Variants in IL17RD observed in about 807,000 individuals in gnomAD.
The protein encoded by IL17RD is interleukin-17 receptor D.
A neutral mutation model predicts 80.5 loss-of-function variants in IL17RD; 52 were observed. The ratio of observed to expected loss-of-function variants is 0.65; its 90% CI spans 0.52 to 0.81. The LOEUF (loss-of-function observed/expected upper bound fraction) is 0.81. Among genes scored for constraint, IL17RD ranks in the 40% least tolerant of loss-of-function variants. The pLI is 0.00. For missense variants in IL17RD, 1,024 were observed against 955.1 expected (o/e 1.07, Z -0.95); for synonymous variants, 416 against 391.8 (o/e 1.06, Z -0.73).
rs1250749773 is a variant in IL17RD at position 57,097,767 on chromosome 3, G to A, written c.1936C>T (p.Leu646=). ...ALDGSAALQP[L]LHTVKAGSPS... ...CTGCCGGCTTTCACCGTGTGCAGCA[G>A]GGGTTGCAGGGCGGCGCTACCGTCA... is the stretch of plus-strand genomic sequence containing the variant. Residue 646 remains leucine (L), a synonymous_variant, in exon 12 of 13, where the codon CTG becomes TTG. Transcript: ENST00000296318. 6.2e-7 allele frequency: 1 copy of A among 1,603,300 alleles called. No homozygotes were observed. Among genetic ancestry groups the A allele is most frequent in the Non-Finnish European group, 8.5e-7 (1 of 1,174,406 alleles).
intron 3 of IL17RD, among the ~76,000 whole-genome samples, chr3:57,111,517 T>A (rs1707097274): frequency 6.6e-6 from 1 of 152,170 alleles, no homozygotes; most frequent in African/African-American, 2.4e-5. Flanking sequence ...CTATTTTAGA[T>A]CTCGCAGGAC....
rs552027315 is a variant in IL17RD at position 57,108,275 on chromosome 3, C to G, written c.550+1262G>C. ...GGGACCATGTTGACCAGGTTGGTCT[C>G]GAACTCCTGACTTCGTGATCTGCCT... On this transcript the variant is annotated intron_variant, in intron 5 of 12. Transcript: ENST00000296318. Among the ~76,000 whole-genome samples the G allele has an allele frequency of 6.6e-5, 10 of 151,780 alleles. No homozygotes were observed. In the East Asian group the frequency reaches 1.2e-3, roughly 18 times the overall value.
chr3:57,166,520 CAAA>C (rs2060348886), upstream of IL17RD, among the ~76,000 whole-genome samples: 1 of 151,150 alleles, frequency 6.6e-6, no homozygotes, highest in Non-Finnish European at 1.5e-5. Flanking sequence ...AACAAACAAA[CAAA>C]CAAACAAACA....
At chr3:57,114,170 C>T (rs1239449947) in intron 3 of IL17RD, among the ~76,000 whole-genome samples, 1 of 146,596 alleles carries the variant, frequency 6.8e-6, no homozygotes, top group African/African-American at 2.5e-5. Context: ...GGTGAAAGAG[C>T]GAAACTATGT....
rs979725838 is a variant in IL17RD at position 57,165,339 on chromosome 3, T to G, written c.-53A>C. On this transcript the variant is annotated 5_prime_UTR_variant, in exon 1 of 13. Coordinates refer to ENST00000296318, the MANE Select transcript of IL17RD (RefSeq NM_017563.5). ...TCTCTGCGCCCCGGCCGCCCGCCGC[T>G]GGCCAGCCCCGAGTGGGCGGTGGCC... 404 of 1,225,508 alleles carry G rather than the reference T, an allele frequency of 3.3e-4. 5 individuals are homozygous for G. The South Asian group carries it at 0.011, about 33-fold the overall frequency. The allele number at this position is 1,225,508 out of a possible 1,614,324, so 75.9% of individuals were successfully genotyped here. A position where few individuals can be genotyped will look rare whatever the true frequency, so the allele number is the denominator to read the frequency against.
chr3:57,167,080 G>A (rs1020135180), upstream of IL17RD, among the ~76,000 whole-genome samples: 6 of 152,218 alleles, frequency 3.9e-5, no homozygotes, highest in African/African-American at 1.4e-4. Flanking sequence ...TTCAGGGGCT[G>A]GAAGTGTGAA....
intron 3 of IL17RD, among the ~76,000 whole-genome samples, chr3:57,111,108 A>T (rs879295330): frequency 6.6e-6 from 1 of 152,384 alleles, no homozygotes; most frequent in Middle Eastern, 3.4e-3. Context: ...GTCCAGCTGC[A>T]GCTGGAGAGC....
At chr3:57,114,617 A>C in intron 3 of IL17RD, 75 bp downstream of exon 3, 1 of 1,399,000 alleles carries the variant, frequency 7.1e-7, no homozygotes, top group Non-Finnish European at 9.6e-7. Context: ...GTTCCTGGAG[A>C]CCATCATGTG....
intron 1 of IL17RD, among the ~76,000 whole-genome samples, chr3:57,135,614 C>G (rs1245680313): frequency 6.6e-6 from 1 of 152,114 alleles, no homozygotes; most frequent in East Asian, 1.9e-4. Context: ...AAATTAGATC[C>G]TAATATATAT....
At chr3:57,120,777 C>T (rs1373461500) in intron 1 of IL17RD, among the ~76,000 whole-genome samples, 1 of 152,110 alleles carries the variant, frequency 6.6e-6, no homozygotes, top group Non-Finnish European at 1.5e-5. Flanking sequence ...TTTCTCATTT[C>T]AAGACTGGGA....
chr3:57,134,253 C>A, intron 1 of IL17RD: 1 of 686,056 alleles, frequency 1.5e-6, no homozygotes. Context: ...CTTCCATCAG[C>A]AGATCCAGAA....
intron 1 of IL17RD, among the ~76,000 whole-genome samples, chr3:57,120,978 C>T (rs1371224203): frequency 6.6e-6 from 1 of 152,208 alleles, no homozygotes; most frequent in African/African-American, 2.4e-5. Flanking sequence ...TGCCAGACTT[C>T]CCACTTTAAT....
At chr3:57,148,683 G>T (rs1248161304) in intron 1 of IL17RD, among the ~76,000 whole-genome samples, 1 of 152,182 alleles carries the variant, frequency 6.6e-6, no homozygotes. Flanking sequence ...CAAGGTAAAG[G>T]TCATGTGCTC....
intron 1 of IL17RD, among the ~76,000 whole-genome samples, chr3:57,127,343 TATATAAATATATATAA>T (rs1445580842): frequency 9.8e-6 from 1 of 102,544 alleles, no homozygotes; most frequent in East Asian, 3.9e-4. Context: ...TATAAAAATA[TATATAAATATATATAA>T]ATATAAATAT....
upstream of IL17RD, among the ~76,000 whole-genome samples, chr3:57,167,106 AG>A (rs2107552781): frequency 6.6e-6 from 1 of 152,364 alleles, no homozygotes; most frequent in South Asian, 2.1e-4. Flanking sequence ...GCTTGCCCAA[AG>A]GAACACTGAC....
intron 1 of IL17RD, among the ~76,000 whole-genome samples, chr3:57,144,650 A>G (rs1707891684): frequency 6.6e-6 from 1 of 152,198 alleles, no homozygotes; most frequent in African/African-American, 2.4e-5. Flanking sequence ...TGTTCTTATC[A>G]TATCCAGGGA....
rs111632198 is a variant in IL17RD, at chr3:57,156,459, G to A, written c.126+8702C>T. ...ACGTGCCTGTAGTCCCAGCTACTCG[G>A]GAGGCTGAGGTAGGAGAATTGCCTA... is the stretch of plus-strand genomic sequence containing the variant. On this transcript the variant is annotated intron_variant, in intron 1 of 12. Transcript: ENST00000296318. Among the ~76,000 whole-genome samples the A allele has an allele frequency of 2.6e-4, 40 of 152,210 alleles. 1 individual carries two copies. Among genetic ancestry groups the A allele is most frequent in the African/African-American group, 9.2e-4 (38 of 41,510 alleles).
rs761812284 is a variant in IL17RD, at chr3:57,165,261, G to A, written c.26C>T (p.Ser9Phe). 19 of 1,518,006 alleles carry A rather than the reference G, an allele frequency of 1.3e-5. No homozygotes were observed. In the South Asian group the frequency reaches 2.3e-4, roughly 19 times the overall value. The allele number at this position is 1,518,006 out of a possible 1,614,324, so 94.0% of individuals were successfully genotyped here. A position where few individuals can be genotyped will look rare whatever the true frequency, so the allele number is the denominator to read the frequency against. The change falls in exon 1 of 13, where the codon TCC becomes TTC. Residue 9 changes from serine to phenylalanine, a missense_variant. Transcript: ENST00000296318. MAPWLQLC[S>F]VFFTVNACLN... ...GCAGGCGTTGACCGTAAAGAAGACGGAGCAGAGCTGCAGCCACGGGGCCAT... is the reference window on the plus strand; with the variant it reads ...GCAGGCGTTGACCGTAAAGAAGACGAAGCAGAGCTGCAGCCACGGGGCCAT...
chr3:57,105,552 A>AAAAAAAAAAAAAAATATATATAT, intron 7 of IL17RD, among the ~76,000 whole-genome samples: 24 of 63,580 alleles, frequency 3.8e-4, no homozygotes, highest in African/African-American at 2.1e-3. Flanking sequence ...AAAAAAAAAA[A>AAAAAAAAAAAAAAATATATATAT]ATATATATAT....
Sources: allele counts gnomAD v4.1 joint callset (sites outside exome capture counted in the v4.1 genomes callset), GRCh38; gene constraint gnomAD v4.1.1; transcripts MANE v1.5; gene names NCBI Gene and HGNC (gene_info 2026-07-23, HGNC 2026-07-21).